RBM47: variants seen among roughly 807,000 people sequenced by gnomAD.
RBM47 encodes the protein RNA-binding protein 47.
RBM47 carries 21 observed loss-of-function variants against 47.1 expected under a neutral mutation model. The observed-to-expected ratio is 0.45, with a 90% CI of 0.32 to 0.64. RBM47 has a LOEUF of 0.64. Ranked by LOEUF, RBM47 falls within the 30% of genes least tolerant of loss-of-function variation. The pLI is 0.05. For synonymous variants in RBM47, 375 were observed against 361.7 expected, an observed-to-expected ratio of 1.04 and a Z score of -0.42; for missense variants, 708 against 870.9, an observed-to-expected ratio of 0.81 and a Z score of 2.35.
At chr4:40,548,665 A>G (rs28578156) in intron 1 of RBM47, among the ~76,000 whole-genome samples, 4,514 of 151,734 alleles carry the variant, frequency 0.03, 144 homozygotes, top group African/African-American at 0.081. Flanking sequence ...ATCTGAGTAC[A>G]TATTACTTTT....
intron 2 of RBM47, among the ~76,000 whole-genome samples, chr4:40,471,206 G>C (rs1253840417): frequency 1.3e-5 from 2 of 152,098 alleles, no homozygotes; most frequent in African/African-American, 4.8e-5. Context: ...AACTTTCTGA[G>C]CCTCAGGTTG....
intron 1 of RBM47, among the ~76,000 whole-genome samples, chr4:40,547,368 G>A (rs2154263249): frequency 6.6e-6 from 1 of 152,334 alleles, no homozygotes; most frequent in South Asian, 2.1e-4. Context: ...ATAAGAAGAG[G>A]AAATTCAGAC....
intron 2 of RBM47, among the ~76,000 whole-genome samples, chr4:40,509,579 T>C (rs1465792400): frequency 6.6e-6 from 1 of 152,112 alleles, no homozygotes; most frequent in Non-Finnish European, 1.5e-5. Context: ...TCTATAAAAT[T>C]TTTAAAAAGT....
In RBM47 at chr4:40,426,139, C is replaced by T. The variant is rs764228416; in HGVS notation, c.1547G>A (p.Arg516His). Residue 516 changes from arginine (R) to histidine (H), a missense_variant, in exon 7 of 7, where the codon CGC (arginine) becomes CAC (histidine). Coordinates refer to ENST00000295971, the MANE Select transcript of RBM47 (RefSeq NM_001098634.2). ...TVSTPPPFQG[R>H]PITPVYTVAP... ...CACCGTGTATACTGGAGTTATTGGG[C>T]GGCCCTGAGGAGAAGAGACAAAAAG... is the stretch of plus-strand genomic sequence containing the variant. The T allele has an allele frequency of 7.4e-6, 12 of 1,613,644 alleles. No individual in the cohort carries two copies. The highest frequency in any genetic ancestry group is 9.3e-6 in the Non-Finnish European group (11 of 1,179,878).
chr4:40,447,998 G>T (rs369949161), intron 3 of RBM47, among the ~76,000 whole-genome samples: 1 of 151,956 alleles, frequency 6.6e-6, no homozygotes, highest in Non-Finnish European at 1.5e-5. Context: ...GTGACAAAGA[G>T]AGACTCCGTC....
chr4:40,473,639 G>T (rs278963), intron 2 of RBM47, among the ~76,000 whole-genome samples: 61,457 of 151,970 alleles, frequency 0.4, 12,675 homozygotes, highest in East Asian at 0.48. Flanking sequence ...TATCAGATAG[G>T]CATAAATATC....
intron 3 of RBM47, among the ~76,000 whole-genome samples, chr4:40,458,188 A>G (rs1716580128): frequency 1.3e-5 from 2 of 152,240 alleles, no homozygotes; most frequent in South Asian, 4.1e-4. Flanking sequence ...GTCAAATAGT[A>G]GTATACAAAA....
intron 3 of RBM47, among the ~76,000 whole-genome samples, chr4:40,449,957 T>C (rs1021734627): frequency 5.3e-5 from 8 of 152,138 alleles, no homozygotes; most frequent in African/African-American, 1.7e-4. Flanking sequence ...GCTGGTTTTA[T>C]AGGTGTGAGC....
chr4:40,460,082 C>T (rs1716878460), intron 3 of RBM47, among the ~76,000 whole-genome samples: 1 of 152,150 alleles, frequency 6.6e-6, no homozygotes, highest in Admixed American at 6.5e-5. Flanking sequence ...AACACATGCC[C>T]AGGCATCAGG....
In RBM47 at chr4:40,626,701, C is replaced by T. The variant is rs1578095158; in HGVS notation, c.-240+2695G>A. 2.0e-5 allele frequency among the ~76,000 whole-genome samples: 3 copies of T among 152,260 alleles called. No individual in the cohort carries two copies. The East Asian group carries it at 5.8e-4, about 29-fold the overall frequency. On this transcript the variant is annotated intron_variant, in intron 1 of 6. Transcript: ENST00000295971. ...GGGGACGAGATCGCCCTCCCCACTG[C>T]CTCTCCCCATACAGACGCTCACAGA... is the stretch of plus-strand genomic sequence containing the variant.
At chr4:40,545,137 C>T (rs1242571565) in intron 1 of RBM47, among the ~76,000 whole-genome samples, 5 of 150,408 alleles carry the variant, frequency 3.3e-5, no homozygotes, top group Non-Finnish European at 7.4e-5. Context: ...CTGCAACCTC[C>T]GTCTCCCAGG....
intron 1 of RBM47, among the ~76,000 whole-genome samples, chr4:40,583,921 T>G (rs1667246375): frequency 2.0e-5 from 3 of 151,608 alleles, no homozygotes; most frequent in Admixed American, 2.0e-4. Flanking sequence ...AAATATATTT[T>G]GTGATTTATT....
intron 2 of RBM47, among the ~76,000 whole-genome samples, chr4:40,468,182 G>T (rs1162837313): frequency 6.6e-6 from 1 of 152,186 alleles, no homozygotes; most frequent in Non-Finnish European, 1.5e-5. Context: ...AGCTACTCAG[G>T]AGGCTGAGGC....
chr4:40,440,320 G>A (rs896021477), intron 3 of RBM47, among the ~76,000 whole-genome samples: 2 of 152,098 alleles, frequency 1.3e-5, no homozygotes, highest in Admixed American at 6.6e-5. Flanking sequence ...CCTGGCTTCC[G>A]CCTAATTTAC....
chr4:40,627,306 C>A lies in RBM47; in HGVS notation c.-240+2090G>T, dbSNP rs369493078. Among the ~76,000 whole-genome samples the A allele has an allele frequency of 2.0e-5, 3 of 152,118 alleles. No homozygotes were observed. In the South Asian group the frequency reaches 6.2e-4, roughly 31 times the overall value. On this transcript the variant is annotated intron_variant, in intron 1 of 6. Transcript: ENST00000295971. ...TACCCTTTTTCTAAGTCTCATGAAT[C>A]CCAAACTTAAACCCTCTTCAGAGTT...
Position 40,438,012 on chromosome 4 carries a change from G to C in RBM47, c.882C>G (p.Ala294=), listed in dbSNP as rs763217154. ...CGTTGAGGTTGTTCATGGCATGCAC[G>C]GCATCCTCGCGGCTGGTGAAGTGCA... ...AFVHFTSRED[A]VHAMNNLNGT... The change falls in exon 4 of 7, where the codon GCC becomes GCG. Residue 294 remains alanine, a synonymous_variant. Coordinates refer to ENST00000295971, the MANE Select transcript of RBM47 (RefSeq NM_001098634.2). 6.2e-7 allele frequency: 1 copy of C among 1,613,632 alleles called. No homozygotes were observed. The highest frequency in any genetic ancestry group is 1.7e-5 in the Admixed American group (1 of 60,022).
At chr4:40,605,862 C>T (rs1047191504) in intron 1 of RBM47, among the ~76,000 whole-genome samples, 3 of 151,424 alleles carry the variant, frequency 2.0e-5, no homozygotes, top group African/African-American at 7.3e-5. Context: ...ACGGGTTTTC[C>T]ATTTAAGAAA....
chr4:40,490,048 T>G (rs1721651001), intron 2 of RBM47, among the ~76,000 whole-genome samples: 1 of 152,216 alleles, frequency 6.6e-6, no homozygotes, highest in Non-Finnish European at 1.5e-5. Flanking sequence ...GTAATCTGAA[T>G]AGCTGCCAGA....
intron 6 of RBM47, among the ~76,000 whole-genome samples, chr4:40,431,656 TAAA>T (rs552107936): frequency 3.1e-4 from 18 of 58,256 alleles, no homozygotes; most frequent in Non-Finnish European, 3.1e-4. Flanking sequence ...AGACTCCGTC[TAAA>T]AAAAAAAAAA....
Sources: allele counts gnomAD v4.1 joint callset (sites outside exome capture counted in the v4.1 genomes callset), GRCh38; gene constraint gnomAD v4.1.1; transcripts MANE v1.5; gene names NCBI Gene and HGNC (gene_info 2026-07-23, HGNC 2026-07-21).